TTC28: variants seen among roughly 807,000 people sequenced by gnomAD.
The protein encoded by TTC28 is tetratricopeptide repeat domain 28.
Under a neutral mutation model 198.0 loss-of-function variants are expected in TTC28, and 61 were observed. The ratio of observed to expected loss-of-function variants is 0.31; its 90% CI spans 0.25 to 0.38. The LOEUF is 0.38. Among genes scored for constraint, TTC28 ranks in the 10% least tolerant of loss-of-function variants. TTC28 has a pLI of 1.00. For missense variants in TTC28, 2,678 were observed against 3,164.0 expected (o/e 0.85, Z 3.69); for synonymous variants, 1,171 against 1,297.8 (o/e 0.90, Z 2.10).
intron 2 of TTC28, among the ~76,000 whole-genome samples, chr22:28,567,479 C>CATATATACATATATATATATAT (rs2049992485): frequency 2.0e-5 from 1 of 51,128 alleles, no homozygotes; most frequent in African/African-American, 7.0e-5. Flanking sequence ...TACATACATA[C>CATATATACATATATATATATAT]ATATATATAT....
chr22:28,301,158 T>C (rs567394141), intron 3 of TTC28, among the ~76,000 whole-genome samples: 1 of 152,380 alleles, frequency 6.6e-6, no homozygotes, highest in Non-Finnish European at 1.5e-5. Context: ...AGTGGTAAGA[T>C]AAGTTTTCTA....
chr22:28,537,016 G>A (rs890826975), intron 2 of TTC28, among the ~76,000 whole-genome samples: 6 of 151,664 alleles, frequency 4.0e-5, no homozygotes, highest in Admixed American at 6.6e-5. Context: ...CAAATTGGCC[G>A]GGCGCGGTGG....
chr22:28,467,978 C>T (rs1049729995), intron 2 of TTC28, among the ~76,000 whole-genome samples: 4 of 151,862 alleles, frequency 2.6e-5, no homozygotes, highest in African/African-American at 9.7e-5. Context: ...ACTTTGCTGC[C>T]CGGGCTGGTC....
At chr22:28,552,986 G>A (rs901082471) in intron 2 of TTC28, among the ~76,000 whole-genome samples, 2 of 152,018 alleles carry the variant, frequency 1.3e-5, no homozygotes, top group East Asian at 1.9e-4. Context: ...ACGGGGTTTC[G>A]CTGTGTTGGC....
At chr22:28,185,004 A>G (rs1446955481) in intron 5 of TTC28, among the ~76,000 whole-genome samples, 1 of 152,154 alleles carries the variant, frequency 6.6e-6, no homozygotes, top group Non-Finnish European at 1.5e-5. Flanking sequence ...CTCAGCAAAT[A>G]CCTGAGGAAT....
chr22:28,622,094 A>G (rs934212646), intron 2 of TTC28, among the ~76,000 whole-genome samples: 1 of 152,182 alleles, frequency 6.6e-6, no homozygotes, highest in Non-Finnish European at 1.5e-5. Flanking sequence ...GGAGGAAGAA[A>G]GCTGTAAAGT....
chr22:28,487,788 C>A (rs2048330208), intron 2 of TTC28, among the ~76,000 whole-genome samples: 1 of 152,036 alleles, frequency 6.6e-6, no homozygotes, highest in Non-Finnish European at 1.5e-5. Context: ...CTGATTATGA[C>A]TTATAAAGCC....
chr22:28,264,962 T>C (rs1314871049), intron 5 of TTC28, among the ~76,000 whole-genome samples: 3 of 152,194 alleles, frequency 2.0e-5, no homozygotes, highest in African/African-American at 7.2e-5. Flanking sequence ...CAATATTCTA[T>C]GTTTTCAACC....
chr22:28,441,915 A>ATGCAG (rs2047628463), intron 2 of TTC28, among the ~76,000 whole-genome samples: 1 of 150,018 alleles, frequency 6.7e-6, no homozygotes, highest in Non-Finnish European at 1.5e-5. Context: ...AAGGCCTGTT[A>ATGCAG]TGCAGTGAAC....
intron 2 of TTC28, among the ~76,000 whole-genome samples, chr22:28,615,370 C>G (rs1295581481): frequency 6.6e-6 from 1 of 152,150 alleles, no homozygotes; most frequent in African/African-American, 2.4e-5. Flanking sequence ...ACTAGTTCAA[C>G]CATTTTGGAA....
intron 1 of TTC28, among the ~76,000 whole-genome samples, chr22:28,657,405 T>C (rs564756500): frequency 8.5e-5 from 13 of 152,332 alleles, no homozygotes; most frequent in Non-Finnish European, 1.6e-4. Flanking sequence ...TACTCTCTAC[T>C]GAGAACATCC....
intron 6 of TTC28, among the ~76,000 whole-genome samples, chr22:28,119,503 C>T (rs1942728151): frequency 6.6e-6 from 1 of 152,214 alleles, no homozygotes; most frequent in African/African-American, 2.4e-5. Flanking sequence ...CAAAGCTCTG[C>T]TTACGTGGGG....
In TTC28 at chr22:28,271,114, AT is replaced by A. The variant is rs201979669; in HGVS notation, c.933+25083del. 9.3e-3 allele frequency among the ~76,000 whole-genome samples: 1,324 copies of A among 142,122 alleles called. 1 individual carries two copies. Among genetic ancestry groups the A allele is most frequent in the Middle Eastern group, 0.018 (5 of 274 alleles). 93.2% of individuals were successfully genotyped at this position (142,122 alleles called of 152,430 possible). A position where few individuals can be genotyped will look rare whatever the true frequency, so the allele number is the denominator to read the frequency against. ...CAATATTCTTTGTGGTTTTTTCAGT[AT>A]TTTTTTTTTTTTTTAATAAAAGACA... On this transcript the variant is annotated intron_variant, in intron 5 of 22. Transcript: ENST00000397906.
intron 12 of TTC28, among the ~76,000 whole-genome samples, chr22:28,064,882 T>C (rs9620765): frequency 7.9e-4 from 121 of 152,214 alleles, no homozygotes; most frequent in African/African-American, 2.6e-3. Context: ...AGGGAGACTG[T>C]TCAGCATTTT....
At position 27,998,850 on chromosome 22, in the gene TTC28, C is replaced by T. The variant is rs1937599435; in HGVS notation, c.4809G>A (p.Glu1603=). 1 of 1,550,148 alleles carries T rather than the reference C, an allele frequency of 6.5e-7. No homozygotes were observed. The highest frequency in any genetic ancestry group is 8.7e-7 in the Non-Finnish European group (1 of 1,147,006). ...GGACGTCGGCGGCAGTAAGCAGCAG[C>T]TCCTGCAGGGGCGGGCAGTCCGAGA... ...ESISDCPPLQ[E]LLLTAADVLD... is the part of the protein sequence containing the mutation. Residue 1603 remains glutamate, a synonymous_variant, in exon 16 of 23, where the codon GAG becomes GAA. Transcript: ENST00000397906.
At chr22:28,143,145 T>C (rs1943381479) in intron 6 of TTC28, among the ~76,000 whole-genome samples, 1 of 152,178 alleles carries the variant, frequency 6.6e-6, no homozygotes, top group African/African-American at 2.4e-5. Flanking sequence ...CCCACATCTC[T>C]TGACTCCCAA....
intron 2 of TTC28, among the ~76,000 whole-genome samples, chr22:28,424,442 C>T (rs1228579060): frequency 2.0e-5 from 3 of 152,166 alleles, no homozygotes; most frequent in East Asian, 1.9e-4. Flanking sequence ...TATTAGAATA[C>T]TTGGAACATT....
chr22:28,023,423 A>G (rs1414012553), intron 13 of TTC28, among the ~76,000 whole-genome samples: 3 of 152,242 alleles, frequency 2.0e-5, no homozygotes, highest in Non-Finnish European at 4.4e-5. Context: ...CAAAGGCCCG[A>G]GCCAGGCAGT....
At chr22:28,532,867 C>G (rs2049171091) in intron 2 of TTC28, among the ~76,000 whole-genome samples, 1 of 152,146 alleles carries the variant, frequency 6.6e-6, no homozygotes, top group Non-Finnish European at 1.5e-5. Flanking sequence ...GTGCTTCATG[C>G]TAAAAACTCT....
Sources: allele counts gnomAD v4.1 joint callset (sites outside exome capture counted in the v4.1 genomes callset), GRCh38; gene constraint gnomAD v4.1.1; transcripts MANE v1.5; gene names NCBI Gene and HGNC (gene_info 2026-07-23, HGNC 2026-07-21).